Variants in FOXP2 observed in about 807,000 individuals in gnomAD.
FOXP2 encodes forkhead box protein P2.
Under a neutral mutation model 115.8 loss-of-function variants are expected in FOXP2, and 12 were observed. The observed-to-expected ratio is 0.10, with a 90% CI of 0.07 to 0.17. The LOEUF is 0.17. Ranked by LOEUF, FOXP2 falls within the 10% of genes least tolerant of loss-of-function variation. The probability of loss-of-function intolerance (pLI) is 1.00; values close to 1 mark genes in which losing one functional copy is unlikely to be tolerated. For synonymous variants in FOXP2, 328 were observed against 297.7 expected (o/e 1.10, Z -1.05); for missense variants, 629 against 843.5 (o/e 0.75, Z 3.15).
At chr7:114,128,291 A>G (rs1182199941) in intron 1 of FOXP2, among the ~76,000 whole-genome samples, 1 of 152,172 alleles carries the variant, frequency 6.6e-6, no homozygotes, top group Non-Finnish European at 1.5e-5. Flanking sequence ...CTTAGTTACC[A>G]TAATCATCTG....
At chr7:114,431,010 A>G (rs1794084028) in intron 2 of FOXP2, among the ~76,000 whole-genome samples, 2 of 152,056 alleles carry the variant, frequency 1.3e-5, no homozygotes, top group African/African-American at 2.4e-5. Context: ...TTTTTAATTT[A>G]TAAAAAAGGA....
At chr7:114,285,594 A>G (rs537823092) in intron 1 of FOXP2, 1 of 152,230 alleles carries the variant, frequency 6.6e-6, no homozygotes, top group Admixed American at 6.6e-5. Flanking sequence ...TTTATAATTT[A>G]TGCTTTTGTT....
chr7:114,120,678 GTGTGTGTGTGTGTATATGTA>G (rs1791536942), intron 1 of FOXP2, among the ~76,000 whole-genome samples: 1 of 144,616 alleles, frequency 6.9e-6, no homozygotes, highest in South Asian at 2.2e-4. Context: ...GTATGTGTGT[GTGTGTGTGTGTGTATATGTA>G]TGTGTGTGTG....
At chr7:114,524,417 A>G (rs985421696) in intron 2 of FOXP2, among the ~76,000 whole-genome samples, 1 of 152,124 alleles carries the variant, frequency 6.6e-6, no homozygotes, top group Non-Finnish European at 1.5e-5. Flanking sequence ...TATACCCTGA[A>G]CAGCTCTTTA....
chr7:114,535,984 C>A (rs1258384526), intron 3 of FOXP2, among the ~76,000 whole-genome samples: 4 of 151,498 alleles, frequency 2.6e-5, no homozygotes, highest in African/African-American at 9.7e-5. Flanking sequence ...TCATATTCTT[C>A]CCCAATTTAT....
intron 3 of FOXP2, among the ~76,000 whole-genome samples, chr7:114,557,698 A>G (rs1800530967): frequency 6.6e-6 from 1 of 152,094 alleles, no homozygotes; most frequent in South Asian, 2.1e-4. Flanking sequence ...TGTATCTCTA[A>G]TGGCAATGCA....
intron 3 of FOXP2, among the ~76,000 whole-genome samples, chr7:114,621,439 T>C (rs1804249890): frequency 6.6e-6 from 1 of 152,046 alleles, no homozygotes; most frequent in South Asian, 2.1e-4. Flanking sequence ...ACTCACAGCC[T>C]GGCAGACATG....
intron 6 of FOXP2, 136 bp from the exon 7 acceptor site, chr7:114,642,274 G>C: frequency 2.8e-6 from 2 of 716,944 alleles, no homozygotes; most frequent in Non-Finnish European, 4.8e-6. Context: ...GTGTAAAAGT[G>C]ATTTTTTGTT....
chr7:114,656,461 A>G (rs1332323363), intron 10 of FOXP2: 1 of 450,070 alleles, frequency 2.2e-6, no homozygotes, highest in Admixed American at 2.4e-5. Context: ...AGTCACATAC[A>G]GATGCATATG....
rs535992408 is a variant in FOXP2, at chr7:114,158,005, G to A, written c.-246-4939G>A. On this transcript the variant is annotated intron_variant, in intron 1 of 19. Coordinates refer to the FOXP2 transcript ENST00000635638. ...TAAGAAAACAAACAAAAAGACTTGG[G>A]ATAGAACTGAAAATATATCAGCCAT... is the stretch of plus-strand genomic sequence containing the variant. 2.8e-3 allele frequency among the ~76,000 whole-genome samples: 427 copies of A among 152,058 alleles called. 2 individuals carry two copies. The highest frequency in any genetic ancestry group is 9.8e-3 in the African/African-American group (408 of 41,502).
chr7:114,607,773 C>A (rs908420131), intron 3 of FOXP2, among the ~76,000 whole-genome samples: 2 of 151,958 alleles, frequency 1.3e-5, no homozygotes, highest in African/African-American at 4.8e-5. Context: ...AATCAAAACA[C>A]TTCATGTAGA....
intron 1 of FOXP2, among the ~76,000 whole-genome samples, chr7:114,271,741 C>T (rs1796055965): frequency 1.8e-5 from 2 of 113,654 alleles, no homozygotes; most frequent in Admixed American, 1.1e-4. Context: ...ATATTAAATA[C>T]ATATGCATTA....
intron 2 of FOXP2, among the ~76,000 whole-genome samples, chr7:114,375,900 G>C (rs1422814465): frequency 6.6e-6 from 1 of 150,376 alleles, no homozygotes; most frequent in Non-Finnish European, 1.5e-5. Flanking sequence ...TAAATGGAAG[G>C]GAGAGATCTC....
At chr7:114,353,230 T>C (rs1450324650) in intron 2 of FOXP2, among the ~76,000 whole-genome samples, 1 of 152,118 alleles carries the variant, frequency 6.6e-6, no homozygotes, top group African/African-American at 2.4e-5. Context: ...TTTATTGTTT[T>C]ATTCATGTGT....
At chr7:114,440,853 T>A (rs147149175) in intron 2 of FOXP2, among the ~76,000 whole-genome samples, 1 of 152,146 alleles carries the variant, frequency 6.6e-6, no homozygotes, top group African/African-American at 2.4e-5. Flanking sequence ...CAAAATTACC[T>A]GTTGTCAGAA....
chr7:114,548,450 G>C (rs1800041942), intron 3 of FOXP2, among the ~76,000 whole-genome samples: 1 of 152,128 alleles, frequency 6.6e-6, no homozygotes, highest in East Asian at 1.9e-4. Flanking sequence ...GCAACCAATA[G>C]TTTACCAAAT....
At chr7:114,200,942 G>C (rs1794045242) in intron 1 of FOXP2, among the ~76,000 whole-genome samples, 1 of 152,042 alleles carries the variant, frequency 6.6e-6, no homozygotes, top group Non-Finnish European at 1.5e-5. Flanking sequence ...ATCACCTGAG[G>C]TCAGGTGTTC....
At chr7:114,587,118 G>T (rs1015706020) in intron 3 of FOXP2, among the ~76,000 whole-genome samples, 1 of 150,140 alleles carries the variant, frequency 6.7e-6, no homozygotes, top group Non-Finnish European at 1.5e-5. Context: ...GTGCAGGTTT[G>T]TTACACAGGT....
In FOXP2 at chr7:114,314,718, A is replaced by T. The variant is rs921184849; in HGVS notation, c.-11+26609A>T. On this transcript the variant is annotated intron_variant, in intron 2 of 17. Transcript: ENST00000634411. The stretch of plus-strand genomic sequence containing the variant: ...AATTAATGAGTAAACATGTGACCAC[A>T]TTATAAATTTGGAAAGAAGCTATAT... Among the ~76,000 whole-genome samples, 12 of 152,316 alleles carry T rather than the reference A, an allele frequency of 7.9e-5. No individual in the cohort carries two copies. In the South Asian group the frequency reaches 1.0e-3, roughly 13 times the overall value.
Sources: gnomAD v4.1 joint callset for allele counts (sites outside exome capture counted in the v4.1 genomes callset) on GRCh38, gnomAD v4.1.1 for gene constraint, MANE v1.5 for transcripts, NCBI Gene and HGNC (gene_info 2026-07-23, HGNC 2026-07-21) for gene names.